Variants in CEP135 observed in about 807,000 individuals in gnomAD.
CEP135 encodes centrosomal protein of 135 kDa.
Under a neutral mutation model 157.3 loss-of-function variants are expected in CEP135, and 142 were observed. The observed-to-expected ratio is 0.90, with a 90% CI of 0.79 to 1.04. The LOEUF (loss-of-function observed/expected upper bound fraction) is 1.04, where lower values mean the gene tolerates loss of function less well. Among genes scored for constraint, CEP135 ranks in the 50% least tolerant of loss-of-function variants. The pLI is 0.00. For synonymous variants in CEP135, 396 were observed against 439.8 expected (o/e 0.90, Z 1.25); for missense variants, 1,317 against 1,309.2 (o/e 1.01, Z -0.09).
At chr4:55,962,232 T>C (rs1225708215) in intron 6 of CEP135, among the ~76,000 whole-genome samples, 1 of 152,094 alleles carries the variant, frequency 6.6e-6, no homozygotes, top group African/African-American at 2.4e-5. Context: ...CCTGAGTAGC[T>C]GGGACTACAG....
In CEP135 at chr4:56,015,459, G is replaced by A. The variant is rs552129577; in HGVS notation, c.2803-2189G>A. Among the ~76,000 whole-genome samples, 12 of 152,350 alleles carry A rather than the reference G, an allele frequency of 7.9e-5. No individual in the cohort carries two copies. In the East Asian group the frequency reaches 2.1e-3, roughly 27 times the overall value. The stretch of plus-strand genomic sequence containing the variant: ...GATGGAGCTACTGTCTGTCTGCTTG[G>A]TTTCAGAGGGCAAGGCCACTGCCCC... On this transcript the variant is annotated intron_variant, in intron 21 of 25. Transcript: ENST00000257287.
Position 55,953,185 on chromosome 4 carries a change from A to C in CEP135, c.214A>C (p.Lys72Gln). Residue 72 changes from lysine (K) to glutamine (Q), a missense_variant, in exon 3 of 26, where the codon AAA (lysine) becomes CAA (glutamine). Transcript: ENST00000257287. Reference sequence around the variant, plus strand: ...TTTTGATTTTGTTTTGGAACCCTATAAACTTGAAAATGCAAGATTGAGTAG... The same window carrying C: ...TTTTGATTTTGTTTTGGAACCCTATCAACTTGAAAATGCAAGATTGAGTAG... ...ANFDFVLEPY[K>Q]LENARLSREN... 1.2e-6 allele frequency: 2 copies of C among 1,607,190 alleles called. No individual in the cohort carries two copies. Among genetic ancestry groups the C allele is most frequent in the Non-Finnish European group, 1.7e-6 (2 of 1,178,022 alleles).
At chr4:56,020,612 A>G in intron 23 of CEP135, 64 bp from the exon 24 acceptor site, 1 of 1,311,504 alleles carries the variant, frequency 7.6e-7, no homozygotes, top group South Asian at 1.3e-5. Flanking sequence ...AATTTAAAAA[A>G]CCCACAGCAC....
Position 55,954,341 on chromosome 4 carries a change from C to T in CEP135, c.430C>T (p.Gln144Ter). ...ESKAKNERIQ[Q>*]LQEKNLHAVV... ...CAAAGCTAAGAATGAAAGAATTCAA[C>T]AACTTCAAGAAAAGAATTTGCATGC... The change falls in exon 4 of 26, where the codon CAA becomes TAA. Residue 144 changes from glutamine to a stop codon, truncating the protein, a stop_gained. Coordinates refer to ENST00000257287, the MANE Select transcript of CEP135 (RefSeq NM_025009.5). LOFTEE classifies it high-confidence loss of function. 6.2e-7 allele frequency: 1 copy of T among 1,607,836 alleles called. No individual in the cohort carries two copies. Among genetic ancestry groups the T allele is most frequent in the African/African-American group, 1.3e-5 (1 of 74,750 alleles).
chr4:56,029,391 G>T (rs1731262454), intron 25 of CEP135, among the ~76,000 whole-genome samples: 1 of 152,166 alleles, frequency 6.6e-6, no homozygotes, highest in Admixed American at 6.5e-5. Context: ...TCTTTGTGGT[G>T]ATCAGCTCCC....
chr4:55,969,269 A>G (rs1055106219), intron 9 of CEP135, 141 bp downstream of exon 9: 11 of 609,542 alleles, frequency 1.8e-5, no homozygotes, highest in Non-Finnish European at 2.6e-5. Context: ...TCTACTAAAA[A>G]TACAAAAATT....
chr4:56,011,980 C>T lies in CEP135; in HGVS notation c.2797C>T (p.Gln933Ter). 1 of 1,523,588 alleles carries T rather than the reference C, an allele frequency of 6.6e-7. No individual in the cohort carries two copies. The highest frequency in any genetic ancestry group is 8.8e-7 in the Non-Finnish European group (1 of 1,134,174). 94.4% of individuals were successfully genotyped at this position (1,523,588 alleles called of 1,614,324 possible). The change falls in exon 21 of 26, where the codon CAA (glutamine) becomes TAA (stop). Residue 933 changes from glutamine to a stop codon, truncating the protein, a stop_gained. Transcript: ENST00000257287. LOFTEE classifies it high-confidence loss of function. ...AGTGGAGCTATTAGAAAAAGAAATT[C>T]AAGAGGTAATATATTTATTTGTTTT... ...ERVELLEKEIQEHINAHHAYE... is the reference protein window; with the variant it reads ...ERVELLEKEI
chr4:55,949,458 A>G (rs1309510648), intron 1 of CEP135, among the ~76,000 whole-genome samples: 1 of 152,248 alleles, frequency 6.6e-6, no homozygotes, highest in African/African-American at 2.4e-5. Context: ...GTAGGACGAC[A>G]GCCTTTAATT....
rs367650085 is a variant in CEP135 at position 55,957,222 on chromosome 4, G to C, written c.473-1G>C. 4.3e-6 allele frequency: 7 copies of C among 1,610,572 alleles called. No homozygotes were observed. The South Asian group carries it at 5.6e-5, about 13-fold the overall frequency. ...TTTTTTAAGACACTCATTCTTTTTAGGTGGCAAGAAAAGAAGTATTGCTTT... is the reference window on the plus strand; with the variant it reads ...TTTTTTAAGACACTCATTCTTTTTACGTGGCAAGAAAAGAAGTATTGCTTT... On this transcript the variant is annotated splice_acceptor_variant, in intron 4 of 25. Coordinates refer to ENST00000257287, the MANE Select transcript of CEP135 (RefSeq NM_025009.5). LOFTEE classifies it high-confidence loss of function.
At chr4:56,020,978 A>G (rs1730955380) in intron 24 of CEP135, among the ~76,000 whole-genome samples, 198 bp downstream of exon 24, 1 of 152,210 alleles carries the variant, frequency 6.6e-6, no homozygotes, top group African/African-American at 2.4e-5. Flanking sequence ...CTAAAATAGC[A>G]AGTATTACAT....
intron 1 of CEP135, among the ~76,000 whole-genome samples, chr4:55,950,843 A>G (rs1728342084): frequency 6.6e-6 from 1 of 152,188 alleles, no homozygotes; most frequent in South Asian, 2.1e-4. Flanking sequence ...CTCTAAATGT[A>G]TACACTTGTG....
At chr4:56,011,385 G>A (rs780838249) in intron 19 of CEP135, 27 bp from the exon 20 acceptor site, 2 of 1,432,178 alleles carry the variant, frequency 1.4e-6, no homozygotes, top group Non-Finnish European at 1.9e-6. Flanking sequence ...GTTCATTTTA[G>A]ATTGTCTTTA....
intron 8 of CEP135, 143 bp downstream of exon 8, chr4:55,966,002 G>T: frequency 1.5e-6 from 1 of 652,236 alleles, no homozygotes. Flanking sequence ...GTAATTCAGG[G>T]TTTTCTGAAG....
intron 25 of CEP135, among the ~76,000 whole-genome samples, chr4:56,025,907 CAAA>C (rs57866677): frequency 7.3e-6 from 1 of 137,112 alleles, no homozygotes; most frequent in Middle Eastern, 3.4e-3. Flanking sequence ...GCATGAAAAT[CAAA>C]AAAAAAAAAA....
chr4:56,012,424 A>G lies in CEP135; in HGVS notation c.2802+439A>G, dbSNP rs559275334. ...TCAAGTTCAGTGGTAAATTTCTGTC[A>G]TTCTCATAATTTGCATAGAAGCCCA... On this transcript the variant is annotated intron_variant, in intron 21 of 25. Transcript: ENST00000257287. Among the ~76,000 whole-genome samples the G allele has an allele frequency of 2.0e-5, 3 of 152,356 alleles. 1 individual carries two copies. In the South Asian group the frequency reaches 6.2e-4, roughly 32 times the overall value.
At chr4:56,003,273 C>T (rs148201720) in intron 17 of CEP135, among the ~76,000 whole-genome samples, 164 of 152,082 alleles carry the variant, frequency 1.1e-3, no homozygotes, top group East Asian at 3.1e-3. Context: ...CTGCAAGCTC[C>T]GCCTCCCGGG....
At chr4:55,976,662 G>A (rs1168311652) in intron 11 of CEP135, among the ~76,000 whole-genome samples, 4 of 152,252 alleles carry the variant, frequency 2.6e-5, no homozygotes, top group East Asian at 1.9e-4. Context: ...AGAAAGCCAG[G>A]ATGTTCAGAG....
At chr4:55,983,685 C>T (rs1014038328) in intron 13 of CEP135, among the ~76,000 whole-genome samples, 3 of 151,760 alleles carry the variant, frequency 2.0e-5, no homozygotes, top group Non-Finnish European at 4.4e-5. Flanking sequence ...ACCTCCGCCT[C>T]TCAAGTTCAA....
rs577007178 is a variant in CEP135 at position 56,032,590 on chromosome 4, G to A, written c.*1242G>A. 4.6e-5 allele frequency: 7 copies of A among 152,072 alleles called. No individual in the cohort carries two copies. The East Asian group carries it at 9.7e-4, about 21-fold the overall frequency. 9.4% of individuals were successfully genotyped at this position (152,072 alleles called of 1,614,324 possible). A position where few individuals can be genotyped will look rare whatever the true frequency, so the allele number is the denominator to read the frequency against. On this transcript the variant is annotated 3_prime_UTR_variant, in exon 26 of 26. Coordinates refer to ENST00000257287, the MANE Select transcript of CEP135 (RefSeq NM_025009.5). ...TCCCCAAAATGCCATTTTTAACGCC[G>A]AACTGTGTAATATACATGGAAAACA...
Sources: gnomAD v4.1 joint callset for allele counts (sites outside exome capture counted in the v4.1 genomes callset) on GRCh38, gnomAD v4.1.1 for gene constraint, MANE v1.5 for transcripts, NCBI Gene and HGNC (gene_info 2026-07-23, HGNC 2026-07-21) for gene names.